Variants in GBE1 observed in about 807,000 individuals in gnomAD.
The protein encoded by GBE1 is 1,4-alpha-glucan-branching enzyme.
GBE1 carries 70 observed loss-of-function variants against 88.8 expected under a neutral mutation model. That is an observed-to-expected ratio of 0.79 (90% CI 0.65 to 0.96). The LOEUF (loss-of-function observed/expected upper bound fraction) is 0.96. GBE1 is among the 40% of genes least tolerant of loss of function. The probability of loss-of-function intolerance (pLI) is 0.00; values close to 1 mark genes in which losing one functional copy is unlikely to be tolerated. For synonymous variants in GBE1, 284 were observed against 300.1 expected (o/e 0.95, Z 0.56); for missense variants, 872 against 871.0 (o/e 1.00, Z -0.01).
chr3:81,713,628 A>G (rs1185774859), intron 1 of GBE1, among the ~76,000 whole-genome samples: 1 of 152,166 alleles, frequency 6.6e-6, no homozygotes, highest in Non-Finnish European at 1.5e-5. Flanking sequence ...AAGAGTGAGC[A>G]ATGAAAAGAA....
intron 2 of GBE1, among the ~76,000 whole-genome samples, chr3:81,673,348 G>A (rs548574041): frequency 5.1e-4 from 77 of 151,750 alleles, no homozygotes; most frequent in Non-Finnish European, 1.0e-3. Context: ...GCTTAATGCA[G>A]GCCCTGTTCA....
intron 9 of GBE1, among the ~76,000 whole-genome samples, chr3:81,589,697 C>T (rs1226932505): frequency 2.6e-5 from 4 of 151,922 alleles, no homozygotes; most frequent in African/African-American, 9.7e-5. Context: ...TCTTTTTCTT[C>T]AGTACTCACT....
At chr3:81,582,974 A>G (rs1454644139) in intron 10 of GBE1, among the ~76,000 whole-genome samples, 1 of 152,090 alleles carries the variant, frequency 6.6e-6, no homozygotes, top group African/African-American at 2.4e-5. Context: ...ATTGTCAACC[A>G]TGTATCCGGC....
At chr3:81,583,115 CAT>C (rs1467033792) in intron 10 of GBE1, among the ~76,000 whole-genome samples, 10 of 152,186 alleles carry the variant, frequency 6.6e-5, no homozygotes, top group African/African-American at 9.6e-5. Flanking sequence ...CAAATAAGCA[CAT>C]GTTTGGTATC....
intron 7 of GBE1, among the ~76,000 whole-genome samples, chr3:81,630,730 G>A (rs564994054): frequency 5.3e-5 from 8 of 152,158 alleles, no homozygotes; most frequent in South Asian, 2.1e-4. Context: ...TCTAAAATAC[G>A]TCAAATACCT....
intron 7 of GBE1, among the ~76,000 whole-genome samples, chr3:81,607,593 CAATT>C: frequency 6.6e-6 from 1 of 151,874 alleles, no homozygotes; most frequent in Non-Finnish European, 1.5e-5. Flanking sequence ...ATAAATATGG[CAATT>C]AATTCTGCTA....
chr3:81,726,163 T>A (rs186248527), intron 1 of GBE1, among the ~76,000 whole-genome samples: 96 of 152,262 alleles, frequency 6.3e-4, no homozygotes, highest in Admixed American at 1.1e-3. Context: ...AGATCATATT[T>A]CTCCTTTCAG....
chr3:81,592,822 G>T (rs756500850), intron 8 of GBE1, among the ~76,000 whole-genome samples: 1 of 151,910 alleles, frequency 6.6e-6, no homozygotes, highest in Admixed American at 6.6e-5. Context: ...TTTGCATACC[G>T]TAAGTCAGCT....
chr3:81,702,082 GGAGA>G (rs145867211), intron 2 of GBE1, among the ~76,000 whole-genome samples: 54 of 76,770 alleles, frequency 7.0e-4, no homozygotes, highest in South Asian at 3.9e-3. Context: ...CAGAATCCCT[GGAGA>G]GAGAGAGAGA....
chr3:81,750,562 T>A (rs546727944), intron 1 of GBE1, among the ~76,000 whole-genome samples: 1 of 80,924 alleles, frequency 1.2e-5, no homozygotes, highest in Non-Finnish European at 2.2e-5. Context: ...TATATATATA[T>A]GTATATATAT....
chr3:81,707,592 A>G (rs1320958079), intron 1 of GBE1, among the ~76,000 whole-genome samples: 1 of 152,000 alleles, frequency 6.6e-6, no homozygotes, highest in African/African-American at 2.4e-5. Context: ...TCAACTGACA[A>G]AGTAAAAATA....
intron 14 of GBE1, among the ~76,000 whole-genome samples, chr3:81,514,147 C>T (rs1011638799): frequency 6.6e-6 from 1 of 150,768 alleles, no homozygotes; most frequent in African/African-American, 2.4e-5. Context: ...CTTCAGCTGG[C>T]AAAAAGGACA....
At chr3:81,744,916 T>G (rs1052550719) in intron 1 of GBE1, among the ~76,000 whole-genome samples, 1 of 152,204 alleles carries the variant, frequency 6.6e-6, no homozygotes, top group Non-Finnish European at 1.5e-5. Context: ...AGAAATAATT[T>G]TGAGAACTTA....
chr3:81,620,683 T>C (rs1421472644), intron 7 of GBE1, among the ~76,000 whole-genome samples: 1 of 152,092 alleles, frequency 6.6e-6, no homozygotes, highest in African/African-American at 2.4e-5. Context: ...TTTTGGGAAG[T>C]GTAATTTATA....
chr3:81,644,130 C>T (rs1414011083), intron 6 of GBE1, among the ~76,000 whole-genome samples: 1 of 151,956 alleles, frequency 6.6e-6, no homozygotes, highest in African/African-American at 2.4e-5. Flanking sequence ...CTACCACGTA[C>T]CATGACATTT....
rs1703308033 is a variant in GBE1 at position 81,553,676 on chromosome 3, T to G, written c.1619-16581A>C. 4.4e-5 allele frequency among the ~76,000 whole-genome samples: 5 copies of G among 112,846 alleles called. No homozygotes were observed. The South Asian group carries it at 1.3e-3, about 30-fold the overall frequency. 74.0% of individuals were successfully genotyped at this position (112,846 alleles called of 152,430 possible). A position where few individuals can be genotyped will look rare whatever the true frequency, so the allele number is the denominator to read the frequency against. ...TTTACAGATGCAAAATGGGTTTCTA[T>G]GAGAGCCATAAGAAAAAAAAAAAAA... On this transcript the variant is annotated intron_variant, in intron 12 of 15. Transcript: ENST00000429644.
At chr3:81,730,852 AAT>A (rs1023839146) in intron 1 of GBE1, among the ~76,000 whole-genome samples, 2 of 152,118 alleles carry the variant, frequency 1.3e-5, no homozygotes, top group African/African-American at 4.8e-5. Context: ...GTCTGTAGCA[AAT>A]ATGTTTATAT....
At chr3:81,637,772 C>T (rs1055720363) in intron 7 of GBE1, among the ~76,000 whole-genome samples, 1 of 151,948 alleles carries the variant, frequency 6.6e-6, no homozygotes, top group East Asian at 1.9e-4. Flanking sequence ...GTCATATACT[C>T]GTTAGCTAGT....
At chr3:81,507,967 T>C (rs1702676567) in intron 14 of GBE1, among the ~76,000 whole-genome samples, 1 of 152,174 alleles carries the variant, frequency 6.6e-6, no homozygotes, top group South Asian at 2.1e-4. Context: ...CCATACATTT[T>C]TAGAAACTGT....
Sources: gnomAD v4.1 joint callset for allele counts (sites outside exome capture counted in the v4.1 genomes callset) on GRCh38, gnomAD v4.1.1 for gene constraint, MANE v1.5 for transcripts, NCBI Gene and HGNC (gene_info 2026-07-23, HGNC 2026-07-21) for gene names.